The following CTDSPL2 variants were observed in gnomAD, a reference collection of about 807,000 sequenced individuals.
The protein encoded by CTDSPL2 is CTD small phosphatase-like protein 2.
A neutral mutation model predicts 60.0 loss-of-function variants in CTDSPL2; 5 were observed. The observed-to-expected ratio is 0.08, with a 90% CI of 0.04 to 0.18. The LOEUF (loss-of-function observed/expected upper bound fraction) is 0.18, where lower values mean the gene tolerates loss of function less well. CTDSPL2 is among the 10% of genes least tolerant of loss of function. CTDSPL2 has a pLI of 1.00. For missense variants in CTDSPL2, 370 were observed against 548.8 expected, an observed-to-expected ratio of 0.67 and a Z score of 3.26; for synonymous variants, 186 against 189.3, an observed-to-expected ratio of 0.98 and a Z score of 0.14.
rs2081356923 is a variant in CTDSPL2, at chr15:44,499,690, T to C, written c.883-37T>C. The C allele has an allele frequency of 4.1e-6, 5 of 1,208,052 alleles. No homozygotes were observed. In the Admixed American group the frequency reaches 6.2e-5, roughly 15 times the overall value. 74.8% of individuals were successfully genotyped at this position (1,208,052 alleles called of 1,614,324 possible). On this transcript the variant is annotated intron_variant, in intron 7 of 12. Transcript: ENST00000260327. ...AAGTATCCTTTGAAGTTTCTTTTAC[T>C]ATCTTGTTTCATTCAATTTCTGTTT...
At chr15:44,450,443 T>C (rs1046240680) in intron 1 of CTDSPL2, among the ~76,000 whole-genome samples, 1 of 152,078 alleles carries the variant, frequency 6.6e-6, no homozygotes, top group Non-Finnish European at 1.5e-5. Flanking sequence ...GAATCAGAAA[T>C]GTAGACTGAA....
intron 12 of CTDSPL2, among the ~76,000 whole-genome samples, chr15:44,523,452 G>T (rs2081821688): frequency 6.6e-6 from 1 of 151,350 alleles, no homozygotes; most frequent in Non-Finnish European, 1.5e-5. Context: ...ACATAAGCAA[G>T]CAAGCTTGCT....
intron 1 of CTDSPL2, among the ~76,000 whole-genome samples, chr15:44,438,980 A>G (rs2080028755): frequency 6.6e-6 from 1 of 152,056 alleles, no homozygotes; most frequent in African/African-American, 2.4e-5. Flanking sequence ...GTTTTACATT[A>G]TATACTTTTT....
intron 12 of CTDSPL2, among the ~76,000 whole-genome samples, chr15:44,523,350 T>C (rs2081816725): frequency 6.6e-6 from 1 of 151,778 alleles, no homozygotes. Flanking sequence ...AGGCCAGGAG[T>C]TTGAGACTAG....
At chr15:44,515,947 T>C (rs1471073728) in intron 10 of CTDSPL2, among the ~76,000 whole-genome samples, 3 of 151,714 alleles carry the variant, frequency 2.0e-5, no homozygotes, top group South Asian at 2.1e-4. Context: ...CTTTCTTTCT[T>C]TCTCTCCTCT....
At chr15:44,483,338 C>T (rs987300322) in intron 2 of CTDSPL2, among the ~76,000 whole-genome samples, 3 of 150,482 alleles carry the variant, frequency 2.0e-5, no homozygotes, top group Non-Finnish European at 4.4e-5. Context: ...AGGCTGGTCA[C>T]AGTGGCTTAC....
At chr15:44,490,502 AT>A (rs2081195768) in intron 4 of CTDSPL2, among the ~76,000 whole-genome samples, 1 of 152,140 alleles carries the variant, frequency 6.6e-6, no homozygotes. Flanking sequence ...GGTTCTCATG[AT>A]TAGGGGAACA....
At chr15:44,450,757 G>A (rs1023728175) in intron 1 of CTDSPL2, among the ~76,000 whole-genome samples, 8 of 151,354 alleles carry the variant, frequency 5.3e-5, no homozygotes, top group Admixed American at 1.3e-4. Flanking sequence ...CACCATGTCC[G>A]GCTAATTTTT....
intron 2 of CTDSPL2, among the ~76,000 whole-genome samples, chr15:44,476,177 T>C (rs906237845): frequency 6.6e-6 from 1 of 152,182 alleles, no homozygotes; most frequent in Non-Finnish European, 1.5e-5. Context: ...CATGCCATTC[T>C]CCTGCCTCAT....
intron 3 of CTDSPL2, among the ~76,000 whole-genome samples, chr15:44,485,354 T>C (rs1288342789): frequency 1.3e-5 from 2 of 152,220 alleles, no homozygotes; most frequent in Non-Finnish European, 1.5e-5. Flanking sequence ...AATAACACTT[T>C]AGAGCAACAG....
chr15:44,477,838 C>CAA (rs372324023), intron 2 of CTDSPL2, among the ~76,000 whole-genome samples: 14 of 136,780 alleles, frequency 1.0e-4, no homozygotes, highest in Non-Finnish European at 2.1e-4. Context: ...AACGTAGTCT[C>CAA]AAAAAAAAAA....
At chr15:44,491,404 A>G (rs929129831) in intron 5 of CTDSPL2, among the ~76,000 whole-genome samples, 5 of 152,164 alleles carry the variant, frequency 3.3e-5, no homozygotes, top group South Asian at 4.1e-4. Flanking sequence ...CATCCCCCCA[A>G]AAACTGCTTC....
At chr15:44,468,354 A>G (rs2080738345) in intron 2 of CTDSPL2, among the ~76,000 whole-genome samples, 1 of 151,170 alleles carries the variant, frequency 6.6e-6, no homozygotes, top group Admixed American at 6.6e-5. Flanking sequence ...TACTGTCTAT[A>G]GAATTTGTAA....
intron 7 of CTDSPL2, among the ~76,000 whole-genome samples, 189 bp from the exon 8 acceptor site, chr15:44,499,538 C>G (rs2081354517): frequency 1.3e-5 from 2 of 152,160 alleles, no homozygotes; most frequent in Non-Finnish European, 2.9e-5. Context: ...AGTCCAGGAG[C>G]TATACCTGAG....
intron 2 of CTDSPL2, among the ~76,000 whole-genome samples, chr15:44,480,286 T>C (rs971154840): frequency 1.3e-5 from 2 of 152,218 alleles, no homozygotes; most frequent in South Asian, 4.1e-4. Flanking sequence ...AGTGACTACC[T>C]ACCTGTTAGG....
chr15:44,446,935 A>G (rs879262325), intron 1 of CTDSPL2, among the ~76,000 whole-genome samples: 39 of 151,898 alleles, frequency 2.6e-4, no homozygotes, highest in Admixed American at 2.4e-3. Context: ...TTGTATTTTT[A>G]GTAGAGACAG....
chr15:44,466,644 G>A (rs1008138964), intron 2 of CTDSPL2, among the ~76,000 whole-genome samples: 80 of 152,188 alleles, frequency 5.3e-4, no homozygotes, highest in African/African-American at 1.9e-3. Flanking sequence ...AACCTGTACA[G>A]AATGTTACTG....
chr15:44,464,985 C>T (rs572231706), intron 2 of CTDSPL2, among the ~76,000 whole-genome samples: 137 of 152,118 alleles, frequency 9.0e-4, no homozygotes, highest in African/African-American at 2.9e-3. Context: ...GGATTACAGG[C>T]GTGAGCCACC....
intron 1 of CTDSPL2, among the ~76,000 whole-genome samples, chr15:44,457,852 G>A (rs1595716410): frequency 6.6e-6 from 1 of 152,112 alleles, no homozygotes; most frequent in East Asian, 1.9e-4. Context: ...CTTCAGGTGA[G>A]CCACCTGCCT....
Sources: gnomAD v4.1 joint callset for allele counts (sites outside exome capture counted in the v4.1 genomes callset) on GRCh38, gnomAD v4.1.1 for gene constraint, MANE v1.5 for transcripts, NCBI Gene and HGNC (gene_info 2026-07-23, HGNC 2026-07-21) for gene names.